Variants in EPAS1 observed in about 807,000 individuals in gnomAD.
The protein encoded by EPAS1 is endothelial PAS domain protein 1, also known as endothelial PAS domain-containing protein 1.
In EPAS1, 23 loss-of-function variants were observed where a neutral mutation model predicts 87.9. The ratio of observed to expected loss-of-function variants is 0.26; its 90% CI spans 0.19 to 0.37. EPAS1 has a LOEUF of 0.37. Ranked by LOEUF, EPAS1 falls within the 10% of genes least tolerant of loss-of-function variation. The pLI, the probability that EPAS1 is intolerant of heterozygous loss-of-function variation, is 1.00. For synonymous variants in EPAS1, 508 were observed against 444.3 expected, an observed-to-expected ratio of 1.14 and a Z score of -1.80; for missense variants, 1,138 against 1,120.7, an observed-to-expected ratio of 1.02 and a Z score of -0.22.
Position 46,323,676 on chromosome 2 carries a change from T to C in EPAS1, c.27-23197T>C, listed in dbSNP as rs546793206. Among the ~76,000 whole-genome samples the C allele has an allele frequency of 2.6e-5, 4 of 152,366 alleles. No homozygotes were observed. The South Asian group carries it at 8.3e-4, about 32-fold the overall frequency. ...TCCACAGATTGATGTCTTGCTTCTCTTCTTATGGCATAAGAGACTGGTAGA... is the reference window on the plus strand; with the variant it reads ...TCCACAGATTGATGTCTTGCTTCTCCTCTTATGGCATAAGAGACTGGTAGA... On this transcript the variant is annotated intron_variant, in intron 1 of 15. Coordinates refer to ENST00000263734, the MANE Select transcript of EPAS1 (RefSeq NM_001430.5).
chr2:46,311,314 C>G (rs1439316736), intron 1 of EPAS1, among the ~76,000 whole-genome samples: 1 of 152,168 alleles, frequency 6.6e-6, no homozygotes, highest in African/African-American at 2.4e-5. Flanking sequence ...ATTGCCTACT[C>G]TGTGCAGGCT....
chr2:46,381,318 A>T, intron 12 of EPAS1: 1 of 499,254 alleles, frequency 2.0e-6, no homozygotes. Flanking sequence ...GAGGAGAGAC[A>T]TGGGCAGAAG....
chr2:46,357,639 G>A (rs1572636504), intron 4 of EPAS1, among the ~76,000 whole-genome samples: 1 of 152,240 alleles, frequency 6.6e-6, no homozygotes, highest in South Asian at 2.1e-4. Context: ...GAAGCCATGA[G>A]TGTCAAAAGG....
Position 46,308,465 on chromosome 2 carries a change from G to GGGA in EPAS1, c.26+10530_26+10531insAGG, listed in dbSNP as rs957113206. Among the ~76,000 whole-genome samples the GGGA allele has an allele frequency of 1.4e-5, 2 of 142,884 alleles. 1 individual carries two copies. Among genetic ancestry groups the GGGA allele is most frequent in the Non-Finnish European group, 3.1e-5 (2 of 65,130 alleles). 93.7% of individuals were successfully genotyped at this position (142,884 alleles called of 152,430 possible). The stretch of plus-strand genomic sequence containing the variant: ...ATACCTTGCTTGCTTTTTTTTGGGG[G>GGGA]GGGGGGCTCTGAAATCATGCTTAGT... On this transcript the variant is annotated intron_variant, in intron 1 of 15. Transcript: ENST00000263734.
intron 1 of EPAS1, among the ~76,000 whole-genome samples, chr2:46,307,997 G>T (rs1683140440): frequency 6.6e-6 from 1 of 152,110 alleles, no homozygotes; most frequent in Middle Eastern, 3.2e-3. Flanking sequence ...AGCCACCATG[G>T]CAGTGGGAGT....
intron 14 of EPAS1, 116 bp downstream of exon 14, chr2:46,382,205 G>A (rs956232786): frequency 1.8e-6 from 2 of 1,120,792 alleles, no homozygotes; most frequent in African/African-American, 3.1e-5. Context: ...TCTGAGCCTT[G>A]TTAGAATGGG....
intron 1 of EPAS1, among the ~76,000 whole-genome samples, chr2:46,313,513 G>A (rs902600939): frequency 2.0e-5 from 3 of 151,840 alleles, no homozygotes; most frequent in Admixed American, 6.6e-5. Context: ...GTGCAATGGC[G>A]GGATCTCAGC....
chr2:46,380,294 A>G lies in EPAS1; in HGVS notation c.1622A>G (p.Gln541Arg). The G allele has an allele frequency of 6.2e-7, 1 of 1,614,074 alleles. No individual in the cohort carries two copies. Among genetic ancestry groups the G allele is most frequent in the Non-Finnish European group, 8.5e-7 (1 of 1,180,002 alleles). ...PYIPMDGEDF[Q>R]LSPICPEERL... ...ATCCCCATGGACGGGGAAGACTTCC[A>G]GCTAAGCCCCATCTGCCCCGAGGAG... The change falls in exon 12 of 16, where the codon CAG (glutamine) becomes CGG (arginine). Residue 541 changes from glutamine to arginine, a missense_variant. Physicochemically the swap from Gln to Arg is conservative, Grantham distance 43 (BLOSUM62 1). Coordinates refer to ENST00000263734, the MANE Select transcript of EPAS1 (RefSeq NM_001430.5). The surrounding 1 kb of genome is among the most constrained non-coding windows in gnomAD (Gnocchi z 4.4).
intron 1 of EPAS1, among the ~76,000 whole-genome samples, chr2:46,336,764 C>T (rs1164088988): frequency 1.3e-5 from 2 of 152,210 alleles, no homozygotes; most frequent in Admixed American, 1.3e-4. Context: ...GAATCAGCAT[C>T]CTCTGAGGGT....
chr2:46,365,566 A>G (rs1572641048), intron 6 of EPAS1, among the ~76,000 whole-genome samples: 1 of 152,202 alleles, frequency 6.6e-6, no homozygotes, highest in Non-Finnish European at 1.5e-5. Flanking sequence ...CAACCTTCCT[A>G]TGTATACTCT....
At position 46,380,845 on chromosome 2, in the gene EPAS1, C is replaced by G. The variant is rs1178962538; in HGVS notation, c.2045+128C>G. The G allele has an allele frequency of 6.6e-7, 1 of 1,507,800 alleles. No homozygotes were observed. Among genetic ancestry groups the G allele is most frequent in the East Asian group, 2.3e-5 (1 of 44,272 alleles). 93.4% of individuals were successfully genotyped at this position (1,507,800 alleles called of 1,614,324 possible). A position where few individuals can be genotyped will look rare whatever the true frequency, so the allele number is the denominator to read the frequency against. On this transcript the variant is annotated intron_variant, in intron 12 of 15. Coordinates refer to ENST00000263734, the MANE Select transcript of EPAS1 (RefSeq NM_001430.5). This position sits in a 1 kb window ranked among gnomAD's most constrained non-coding sequence, Gnocchi z 4.4. Reference sequence around the variant, plus strand: ...ATCTGATACCCCATTTAGCCCTTCTCTGAGCTCAGACTTTGGGGAATCACC... The same window carrying G: ...ATCTGATACCCCATTTAGCCCTTCTGTGAGCTCAGACTTTGGGGAATCACC...
rs201695509 is a variant in EPAS1 at position 46,376,493 on chromosome 2, T to G, written c.1035-46T>G. 361 of 1,605,878 alleles carry G rather than the reference T, an allele frequency of 2.2e-4. 2 individuals carry two copies. The African/African-American group carries it at 4.3e-3, about 19-fold the overall frequency. ...CCATGCATCTAGGGGAGCAGAATTT[T>G]TCTAGAAAATGTGGAAAGTCTGAAT... On this transcript the variant is annotated intron_variant, in intron 8 of 15. Coordinates refer to ENST00000263734, the MANE Select transcript of EPAS1 (RefSeq NM_001430.5).
intron 1 of EPAS1, among the ~76,000 whole-genome samples, chr2:46,341,750 A>G (rs1683918504): frequency 6.6e-6 from 1 of 152,224 alleles, no homozygotes; most frequent in Non-Finnish European, 1.5e-5. Flanking sequence ...CTATGTTTTC[A>G]TAAGTCCTCC....
In EPAS1 at chr2:46,382,575, TGTC is replaced by T. The variant is rs1572650790; in HGVS notation, c.2442_2444del (p.Ser815del). On this transcript the variant is annotated inframe_deletion, in exon 15 of 16. Transcript: ENST00000263734. ...GCCACCCAGTACCAGGACTACAGCC[TGTC>T]GTCAGCCCACAAGGTGTCAGGTGGG... is the stretch of plus-strand genomic sequence containing the variant. The T allele has an allele frequency of 1.2e-6, 2 of 1,614,136 alleles. No individual in the cohort carries two copies. The highest frequency in any genetic ancestry group is 1.7e-5 in the Admixed American group (1 of 60,026).
rs773009300 is a variant in EPAS1 at position 46,380,062 on chromosome 2, C to T, written c.1555-165C>T. 9.2e-7 allele frequency: 1 copy of T among 1,092,616 alleles called. No homozygotes were observed. Among genetic ancestry groups the T allele is most frequent in the African/African-American group, 1.5e-5 (1 of 65,028 alleles). The allele number at this position is 1,092,616 out of a possible 1,614,324, so 67.7% of individuals were successfully genotyped here. A position where few individuals can be genotyped will look rare whatever the true frequency, so the allele number is the denominator to read the frequency against. On this transcript the variant is annotated intron_variant, in intron 11 of 15. Coordinates refer to ENST00000263734, the MANE Select transcript of EPAS1 (RefSeq NM_001430.5). This position sits in a 1 kb window ranked among gnomAD's most constrained non-coding sequence, Gnocchi z 4.4. ...TACAAGGTCGTGTACATGACACAGC[C>T]AAGTCTGAGGTTTTCCTGATAGGCC...
At chr2:46,359,079 T>G (rs1041812139) in intron 4 of EPAS1, among the ~76,000 whole-genome samples, 38 of 151,406 alleles carry the variant, frequency 2.5e-4, no homozygotes, top group African/African-American at 9.2e-4. Flanking sequence ...GCCAACATGG[T>G]GAAACCCCAT....
At chr2:46,349,364 C>T (rs992556496) in intron 2 of EPAS1, among the ~76,000 whole-genome samples, 4 of 152,224 alleles carry the variant, frequency 2.6e-5, no homozygotes, top group African/African-American at 9.6e-5. Context: ...GCACATCTAC[C>T]TGTGTGTGTT....
chr2:46,323,592 T>G (rs936284045), intron 1 of EPAS1, among the ~76,000 whole-genome samples: 2 of 152,224 alleles, frequency 1.3e-5, no homozygotes, highest in African/African-American at 2.4e-5. Context: ...CAGACTGGTT[T>G]AAGGCCATCT....
intron 2 of EPAS1, among the ~76,000 whole-genome samples, chr2:46,351,664 TA>T (rs1246483935): frequency 6.6e-6 from 1 of 152,100 alleles, no homozygotes; most frequent in Non-Finnish European, 1.5e-5. Context: ...CACAAAGTGG[TA>T]ACTGCCAAGC....
Sources: allele counts gnomAD v4.1 joint callset (sites outside exome capture counted in the v4.1 genomes callset), GRCh38; gene constraint gnomAD v4.1.1; non-coding constraint Gnocchi (gnomAD v3.1); transcripts MANE v1.5; gene names NCBI Gene and HGNC (gene_info 2026-07-23, HGNC 2026-07-21).